LVRN: variants seen among roughly 807,000 people sequenced by gnomAD.
The protein encoded by LVRN is aminopeptidase Q.
A neutral mutation model predicts 111.4 loss-of-function variants in LVRN; 99 were observed. That is an observed-to-expected ratio of 0.89 (90% confidence interval 0.76 to 1.05). The LOEUF (loss-of-function observed/expected upper bound fraction) is 1.05, where lower values mean the gene tolerates loss of function less well. LVRN is among the 50% of genes least tolerant of loss of function. The pLI is 0.00. For synonymous variants in LVRN, 488 were observed against 449.5 expected (o/e 1.09, Z -1.08); for missense variants, 1,414 against 1,206.8 (o/e 1.17, Z -2.54).
chr5:116,015,902 C>T, intron 18 of LVRN, 137 bp downstream of exon 18: 1 of 1,081,340 alleles, frequency 9.2e-7, no homozygotes, highest in Non-Finnish European at 1.3e-6. Flanking sequence ...GAAAAGTTAT[C>T]ATTTTTCCTT....
chr5:115,965,653 C>T (rs914267371), intron 1 of LVRN, among the ~76,000 whole-genome samples: 6 of 152,110 alleles, frequency 3.9e-5, no homozygotes, highest in African/African-American at 1.2e-4. Flanking sequence ...GTAATTGGAA[C>T]ATGGGGGTGG....
rs1747757728 is a variant in LVRN, at chr5:115,983,313, C to T, written c.722C>T (p.Pro241Leu). The T allele has an allele frequency of 6.2e-7, 1 of 1,604,560 alleles. No homozygotes were observed. The highest frequency in any genetic ancestry group is 8.5e-7 in the Non-Finnish European group (1 of 1,177,242). Residue 241 changes from proline (P) to leucine (L), a missense_variant, in exon 2 of 20, where the codon CCA becomes CTA. Transcript: ENST00000357872. ...RRALLASQLE[P>L]TFARYVFPCF... ...GCCCTGTTAGCGTCCCAGCTGGAAC[C>T]AACATTTGCCAGGTATGTTTTCCCT...
chr5:115,990,026 G>A (rs937218465), intron 4 of LVRN, among the ~76,000 whole-genome samples: 7 of 152,132 alleles, frequency 4.6e-5, no homozygotes, highest in Non-Finnish European at 5.9e-5. Context: ...TATTTCTCCT[G>A]TGTTGTTCTC....
At position 115,963,330 on chromosome 5, in the gene LVRN, C is replaced by T. The variant is rs190754806; in HGVS notation, c.695+18C>T. The T allele has an allele frequency of 4.7e-3, 7,227 of 1,549,874 alleles. 29 individuals carry two copies. Among genetic ancestry groups the T allele is most frequent in the Non-Finnish European group, 5.6e-3 (6,474 of 1,147,182 alleles). On this transcript the variant is annotated intron_variant, in intron 1 of 19. Transcript: ENST00000357872. ...GAGCGCAGGTAAGGGCTGTACAGCC[C>T]GGGGCCCCTCTCGGCCCCCGCCCCT...
intron 18 of LVRN, among the ~76,000 whole-genome samples, chr5:116,021,946 C>A (rs1430291525): frequency 6.6e-6 from 1 of 152,168 alleles, no homozygotes; most frequent in East Asian, 1.9e-4. Flanking sequence ...TATTAATCTT[C>A]TCTCCAAAAA....
intron 16 of LVRN, 49 bp from the exon 17 acceptor site, chr5:116,015,203 G>T: frequency 6.1e-6 from 5 of 817,160 alleles, no homozygotes; most frequent in South Asian, 6.9e-5. Context: ...TGATAACCTG[G>T]GTAAACATAA....
In LVRN at chr5:115,992,186, A is replaced by T; in HGVS notation, c.1169A>T (p.Asp390Val). 1.2e-6 allele frequency: 2 copies of T among 1,614,008 alleles called. No homozygotes were observed. Among genetic ancestry groups the T allele is most frequent in the Non-Finnish European group, 1.7e-6 (2 of 1,179,896 alleles). The change falls in exon 5 of 20, where the codon GAT becomes GTT. Residue 390 changes from aspartate to valine, a missense_variant. Asp to Val is a radical substitution (Grantham distance 152, BLOSUM62 -3). Coordinates refer to ENST00000357872, the MANE Select transcript of LVRN (RefSeq NM_173800.5). Reference protein sequence around the residue: ...AMENWGLMIFDESGLLLEPKD... With the variant: ...AMENWGLMIFVESGLLLEPKD... ...GAAAACTGGGGACTAATGATATTTGATGAATCAGGATTGTTGTTGGAACCA... is the reference window on the plus strand; with the variant it reads ...GAAAACTGGGGACTAATGATATTTGTTGAATCAGGATTGTTGTTGGAACCA...
intron 1 of LVRN, chr5:115,975,369 T>A (rs1753421610): frequency 4.5e-6 from 1 of 222,056 alleles, no homozygotes; most frequent in African/African-American, 2.4e-5. Flanking sequence ...TCCTAAGGTC[T>A]TCTATTTGTT....
chr5:116,020,402 G>A (rs1748701221), intron 18 of LVRN, among the ~76,000 whole-genome samples: 2 of 152,128 alleles, frequency 1.3e-5, no homozygotes, highest in South Asian at 2.1e-4. Context: ...TGTTAAATGG[G>A]CTTCACAGCA....
chr5:115,981,491 A>G (rs1753559342), intron 1 of LVRN, among the ~76,000 whole-genome samples: 1 of 152,134 alleles, frequency 6.6e-6, no homozygotes, highest in South Asian at 2.1e-4. Context: ...GTGGGGGTAC[A>G]TGAGATACTT....
At chr5:115,976,700 A>G (rs1447184752) in intron 1 of LVRN, among the ~76,000 whole-genome samples, 1 of 152,082 alleles carries the variant, frequency 6.6e-6, no homozygotes, top group Non-Finnish European at 1.5e-5. Context: ...CTCCTGTGTT[A>G]TTTAGAACTG....
intron 1 of LVRN, among the ~76,000 whole-genome samples, chr5:115,965,537 G>A (rs10068784): frequency 0.22 from 33,197 of 152,106 alleles, 4,613 homozygotes; most frequent in Non-Finnish European, 0.31. Context: ...ACGTTTTGAC[G>A]ATTGTCTCAG....
intron 9 of LVRN, 80 bp from the exon 10 acceptor site, chr5:116,000,987 C>G (rs1236894083): frequency 2.7e-6 from 4 of 1,460,174 alleles, no homozygotes; most frequent in East Asian, 4.6e-5. Flanking sequence ...GAATAGCTAC[C>G]GAGTTTCTTT....
At chr5:115,972,262 C>T (rs556001164) in intron 1 of LVRN, among the ~76,000 whole-genome samples, 67 of 151,892 alleles carry the variant, frequency 4.4e-4, no homozygotes, top group African/African-American at 1.5e-3. Context: ...AAAATAGGTT[C>T]GCAACTGTTT....
intron 1 of LVRN, among the ~76,000 whole-genome samples, chr5:115,965,318 G>C (rs951473618): frequency 6.6e-6 from 1 of 152,116 alleles, no homozygotes; most frequent in East Asian, 1.9e-4. Flanking sequence ...TGCTTAATGG[G>C]TATAGATTTT....
intron 1 of LVRN, among the ~76,000 whole-genome samples, chr5:115,964,687 G>C (rs911212155): frequency 6.6e-6 from 1 of 152,004 alleles, no homozygotes; most frequent in Admixed American, 6.6e-5. Flanking sequence ...CTGTGGCCCA[G>C]TCAAGCTTGC....
rs977161134 is a variant in LVRN, at chr5:115,987,800, T to C, written c.979-13T>C. 5 of 1,607,908 alleles carry C rather than the reference T, an allele frequency of 3.1e-6. No homozygotes were observed. The highest frequency in any genetic ancestry group is 4.2e-6 in the Non-Finnish European group (5 of 1,177,964). On this transcript the variant is annotated splice_polypyrimidine_tract_variant and intron_variant, in intron 3 of 19. Transcript: ENST00000357872. ...CTGGTTTTCCTAATCACTGCTTAAC[T>C]GTTTTGATTTAGATACGCATCTGGG...
intron 6 of LVRN, among the ~76,000 whole-genome samples, chr5:115,996,947 T>G (rs895214944): frequency 6.6e-6 from 1 of 152,236 alleles, no homozygotes; most frequent in African/African-American, 2.4e-5. Flanking sequence ...TGCTAGGTAC[T>G]GTTGAGACAA....
At chr5:115,968,437 CTTTT>C (rs5870675) in intron 1 of LVRN, among the ~76,000 whole-genome samples, 10 of 131,550 alleles carry the variant, frequency 7.6e-5, no homozygotes, top group African/African-American at 8.6e-5. Flanking sequence ...GTTCCCCACC[CTTTT>C]TTTTTTTTTT....
Sources: allele counts gnomAD v4.1 joint callset (sites outside exome capture counted in the v4.1 genomes callset), GRCh38; gene constraint gnomAD v4.1.1; transcripts MANE v1.5; gene names NCBI Gene and HGNC (gene_info 2026-07-23, HGNC 2026-07-21).